PPFIA2: variants seen among roughly 807,000 people sequenced by gnomAD.
The protein encoded by PPFIA2 is liprin-alpha-2.
Under a neutral mutation model 175.5 loss-of-function variants are expected in PPFIA2, and 46 were observed. That is an observed-to-expected ratio of 0.26 (90% CI 0.21 to 0.34). The LOEUF (loss-of-function observed/expected upper bound fraction) is 0.34, where lower values mean the gene tolerates loss of function less well. Ranked by LOEUF, PPFIA2 falls within the 10% of genes least tolerant of loss-of-function variation. PPFIA2 has a pLI of 1.00. For missense variants in PPFIA2, 1,179 were observed against 1,506.1 expected (o/e 0.78, Z 3.60); for synonymous variants, 568 against 511.4 (o/e 1.11, Z -1.49).
At chr12:81,495,876 G>A (rs1262605759) in intron 4 of PPFIA2, among the ~76,000 whole-genome samples, 1 of 151,978 alleles carries the variant, frequency 6.6e-6, no homozygotes, top group African/African-American at 2.4e-5. Context: ...GTTCTTTTGT[G>A]TTTGAATTCT....
intron 4 of PPFIA2, among the ~76,000 whole-genome samples, chr12:81,528,942 A>G (rs2064100763): frequency 2.0e-5 from 3 of 152,076 alleles, no homozygotes; most frequent in Admixed American, 2.0e-4. Context: ...AGAGACAATT[A>G]TGACATTTTT....
At chr12:81,271,620 C>A (rs1325083587) in intron 28 of PPFIA2, among the ~76,000 whole-genome samples, 1 of 152,116 alleles carries the variant, frequency 6.6e-6, no homozygotes, top group Non-Finnish European at 1.5e-5. Context: ...AGTAGTGACA[C>A]TTAAAGCTTA....
rs2046546448 is a variant in PPFIA2, at chr12:81,422,954, T to C, written c.645+17018A>G. Among the ~76,000 whole-genome samples, 2 of 152,004 alleles carry C rather than the reference T, an allele frequency of 1.3e-5. 1 individual carries two copies. The highest frequency in any genetic ancestry group is 1.3e-4 in the Admixed American group (2 of 15,248). On this transcript the variant is annotated intron_variant, in intron 7 of 32. Coordinates refer to ENST00000549396, the MANE Select transcript of PPFIA2 (RefSeq NM_003625.5). ...ATGAAAGAGGAGACATTACAACGAA[T>C]GCCTAAAAAATATAAAGGATCATAA...
rs529673015 is a variant in PPFIA2, at chr12:81,433,738, CAT to C, written c.645+6232_645+6233del. Among the ~76,000 whole-genome samples, 236 of 152,056 alleles carry C rather than the reference CAT, an allele frequency of 1.6e-3. 2 individuals are homozygous for C. The highest frequency in any genetic ancestry group is 4.9e-3 in the African/African-American group (204 of 41,500). ...AGTGTAGATAATGCAATTTGACAAA[CAT>C]ATATTGATCAAGAGGTTCATATCAC... On this transcript the variant is annotated intron_variant, in intron 7 of 32. Transcript: ENST00000549396.
chr12:81,577,535 A>G (rs916688751), intron 4 of PPFIA2, among the ~76,000 whole-genome samples: 9 of 151,944 alleles, frequency 5.9e-5, no homozygotes, highest in African/African-American at 1.7e-4. Context: ...GACAAACAAC[A>G]TAGAAGTATA....
intron 4 of PPFIA2, among the ~76,000 whole-genome samples, chr12:81,666,208 C>A (rs1272041813): frequency 1.3e-5 from 2 of 152,154 alleles, no homozygotes; most frequent in Admixed American, 6.5e-5. Flanking sequence ...TGTGGCGATT[C>A]CTCAAGGATC....
intron 4 of PPFIA2, among the ~76,000 whole-genome samples, chr12:81,466,779 T>C (rs1253728111): frequency 1.3e-5 from 2 of 151,690 alleles, no homozygotes; most frequent in Non-Finnish European, 2.9e-5. Flanking sequence ...ATCCCCACAA[T>C]GGCTGTTCTG....
chr12:81,636,550 C>T (rs1222451015), intron 4 of PPFIA2, among the ~76,000 whole-genome samples: 1 of 149,856 alleles, frequency 6.7e-6, no homozygotes, highest in Admixed American at 6.7e-5. Flanking sequence ...CAGGCGTGAG[C>T]CACCGCGCCC....
In PPFIA2 at chr12:81,432,663, A is replaced by G. The variant is rs190794802; in HGVS notation, c.645+7309T>C. 5.4e-4 allele frequency among the ~76,000 whole-genome samples: 82 copies of G among 151,906 alleles called. 1 individual carries two copies. The highest frequency in any genetic ancestry group is 2.0e-3 in the African/African-American group (81 of 41,446). On this transcript the variant is annotated intron_variant, in intron 7 of 32. Transcript: ENST00000549396. ...GTATAGAGACTGGGTTTCACCATGT[A>G]GGTCAGGCTGGTCTTGAACTCCTGA...
At chr12:81,364,156 AG>A (rs996334078) in intron 14 of PPFIA2, among the ~76,000 whole-genome samples, 1 of 151,876 alleles carries the variant, frequency 6.6e-6, no homozygotes, top group African/African-American at 2.4e-5. Flanking sequence ...GGCAGATAAA[AG>A]CAACAACACG....
Position 81,372,332 on chromosome 12 carries a change from G to A in PPFIA2, c.1266+2302C>T, listed in dbSNP as rs549697758. On this transcript the variant is annotated intron_variant, in intron 11 of 32. Transcript: ENST00000549396. ...AAAGGTGACAGTAAAGTAGAAAAAC[G>A]TATATTGGTGAAATAAAATGTCTGA... Among the ~76,000 whole-genome samples, 28 of 151,404 alleles carry A rather than the reference G, an allele frequency of 1.8e-4. 1 individual carries two copies. In the South Asian group the frequency reaches 3.9e-3, roughly 21 times the overall value.
chr12:81,288,252 C>T (rs1001424273), intron 24 of PPFIA2, among the ~76,000 whole-genome samples: 1 of 151,780 alleles, frequency 6.6e-6, no homozygotes, highest in East Asian at 1.9e-4. Context: ...TGTTCTTATA[C>T]AGGGCTGGGA....
At chr12:81,544,058 A>T (rs1438572000) in intron 4 of PPFIA2, among the ~76,000 whole-genome samples, 1 of 152,100 alleles carries the variant, frequency 6.6e-6, no homozygotes, top group Admixed American at 6.6e-5. Flanking sequence ...GATACGAATA[A>T]AGCTTAGACT....
chr12:81,525,110 A>C (rs1343341088), intron 4 of PPFIA2, among the ~76,000 whole-genome samples: 1 of 152,182 alleles, frequency 6.6e-6, no homozygotes, highest in African/African-American at 2.4e-5. Context: ...TTTTGTTATA[A>C]CAACTCAAAA....
At chr12:81,507,286 T>A (rs1476395060) in intron 4 of PPFIA2, among the ~76,000 whole-genome samples, 1 of 152,212 alleles carries the variant, frequency 6.6e-6, no homozygotes, top group African/African-American at 2.4e-5. Context: ...TGCATATTTA[T>A]CATTATTAAT....
intron 11 of PPFIA2, chr12:81,369,444 T>C (rs1001986956): frequency 1.5e-6 from 2 of 1,311,810 alleles, no homozygotes; most frequent in East Asian, 3.8e-5. Flanking sequence ...AAATGTAACA[T>C]GCAGACTGTG....
intron 8 of PPFIA2, among the ~76,000 whole-genome samples, chr12:81,398,016 T>C (rs1292138430): frequency 6.6e-6 from 1 of 151,938 alleles, no homozygotes; most frequent in African/African-American, 2.4e-5. Flanking sequence ...GATTCTACAT[T>C]ATGGTGAGTT....
chr12:81,630,993 C>G (rs770482870), intron 4 of PPFIA2, among the ~76,000 whole-genome samples: 1 of 151,480 alleles, frequency 6.6e-6, no homozygotes, highest in Non-Finnish European at 1.5e-5. Context: ...GCCTCCCAGT[C>G]TCACCATCCT....
chr12:81,530,691 T>G (rs891628161), intron 4 of PPFIA2, among the ~76,000 whole-genome samples: 1 of 151,002 alleles, frequency 6.6e-6, no homozygotes, highest in African/African-American at 2.4e-5. Flanking sequence ...GTCTCCTTAG[T>G]AGTACACAGT....
Sources: gnomAD v4.1 joint callset for allele counts (sites outside exome capture counted in the v4.1 genomes callset) on GRCh38, gnomAD v4.1.1 for gene constraint, MANE v1.5 for transcripts, NCBI Gene and HGNC (gene_info 2026-07-23, HGNC 2026-07-21) for gene names.